The following SCAPER variants were observed in gnomAD, a reference collection of about 807,000 sequenced individuals.
SCAPER encodes S phase cyclin A-associated protein in the endoplasmic reticulum.
Under a neutral mutation model 182.2 loss-of-function variants are expected in SCAPER, and 98 were observed. The ratio of observed to expected loss-of-function variants is 0.54; its 90% CI spans 0.46 to 0.64. The LOEUF (loss-of-function observed/expected upper bound fraction) is 0.64. SCAPER is among the 30% of genes least tolerant of loss of function. The pLI is 0.00. For missense variants in SCAPER, 1,432 were observed against 1,690.0 expected (o/e 0.85, Z 2.68); for synonymous variants, 605 against 564.6 (o/e 1.07, Z -1.01).
intron 29 of SCAPER, among the ~76,000 whole-genome samples, chr15:76,361,410 T>A (rs998819794): frequency 1.3e-5 from 2 of 152,220 alleles, no homozygotes; most frequent in African/African-American, 4.8e-5. Flanking sequence ...TCAGAGACAT[T>A]CTTGCCTTCA....
At chr15:76,652,305 TATATACAC>T (rs1340629790) in intron 21 of SCAPER, among the ~76,000 whole-genome samples, 1 of 23,634 alleles carries the variant, frequency 4.2e-5, no homozygotes, top group Non-Finnish European at 6.7e-5. Flanking sequence ...TATATATATA[TATATACAC>T]ACACACACAC....
At chr15:76,371,623 T>C (rs1245296877) in intron 29 of SCAPER, among the ~76,000 whole-genome samples, 1 of 150,670 alleles carries the variant, frequency 6.6e-6, no homozygotes, top group African/African-American at 2.4e-5. Context: ...TGGCTTATAA[T>C]ATTTCTAACA....
Position 76,597,134 on chromosome 15 carries a change from C to CA in SCAPER, c.2712-22851dup, listed in dbSNP as rs1317067209. Among the ~76,000 whole-genome samples, 5 of 121,776 alleles carry CA rather than the reference C, an allele frequency of 4.1e-5. 1 individual carries two copies. In the East Asian group the frequency reaches 1.1e-3, roughly 27 times the overall value. The allele number at this position is 121,776 out of a possible 152,430, so 79.9% of individuals were successfully genotyped here. A position where few individuals can be genotyped will look rare whatever the true frequency, so the allele number is the denominator to read the frequency against. On this transcript the variant is annotated intron_variant, in intron 22 of 31. Transcript: ENST00000563290. ...AGTCTCAGGATATAAAATCAGTGTG[C>CA]AAAAATCACAAGCATTCCTATACAC...
intron 22 of SCAPER, among the ~76,000 whole-genome samples, chr15:76,579,265 C>CAA (rs71143342): frequency 0.5 from 24,837 of 49,402 alleles, 9,472 homozygotes; most frequent in Middle Eastern, 0.76. Context: ...GACTCTGTCT[C>CAA]AAAAAAAAAA....
intron 23 of SCAPER, among the ~76,000 whole-genome samples, chr15:76,532,772 T>C (rs375649621): frequency 3.4e-4 from 51 of 152,130 alleles, no homozygotes; most frequent in African/African-American, 1.1e-3. Flanking sequence ...CAGGGAAATA[T>C]AGAAAAGATG....
intron 14 of SCAPER, among the ~76,000 whole-genome samples, chr15:76,755,279 G>A (rs1304093864): frequency 6.6e-6 from 1 of 152,090 alleles, no homozygotes. Flanking sequence ...TTCATCTAAT[G>A]ACAAATTCTT....
intron 8 of SCAPER, among the ~76,000 whole-genome samples, chr15:76,778,434 G>A (rs534571978): frequency 4.0e-5 from 6 of 151,892 alleles, no homozygotes; most frequent in Non-Finnish European, 7.4e-5. Context: ...AATACTATGA[G>A]TAAATCAAAA....
At chr15:76,804,444 T>C (rs2065999093) in intron 6 of SCAPER, 89 bp downstream of exon 6, 1 of 770,332 alleles carries the variant, frequency 1.3e-6, no homozygotes, top group Non-Finnish European at 2.0e-6. Flanking sequence ...AAGTTTCAAC[T>C]CAATATGAGG....
At chr15:76,783,282 G>T (rs746061009) in intron 8 of SCAPER, among the ~76,000 whole-genome samples, 1 of 152,134 alleles carries the variant, frequency 6.6e-6, no homozygotes, top group East Asian at 1.9e-4. Flanking sequence ...AGAAAATCTA[G>T]AAGAAATGGA....
At chr15:76,388,533 C>A (rs2141997782) in intron 27 of SCAPER, among the ~76,000 whole-genome samples, 1 of 152,258 alleles carries the variant, frequency 6.6e-6, no homozygotes, top group Non-Finnish European at 1.5e-5. Flanking sequence ...CTTCTTCATC[C>A]TGGAAGAGGT....
intron 23 of SCAPER, among the ~76,000 whole-genome samples, chr15:76,549,630 A>G (rs1290525743): frequency 6.6e-6 from 1 of 152,152 alleles, no homozygotes. Context: ...TAGCATTAGG[A>G]GATATACCTA....
intron 27 of SCAPER, among the ~76,000 whole-genome samples, chr15:76,394,330 C>G (rs2043907055): frequency 6.6e-6 from 1 of 152,194 alleles, no homozygotes; most frequent in Non-Finnish European, 1.5e-5. Context: ...TCAACAGAGA[C>G]AGAGAGGCTT....
chr15:76,725,147 A>G (rs1175994557), intron 17 of SCAPER, among the ~76,000 whole-genome samples: 1 of 152,194 alleles, frequency 6.6e-6, no homozygotes, highest in African/African-American at 2.4e-5. Flanking sequence ...TCTATTTATA[A>G]TTGTATAACA....
chr15:76,721,297 G>C (rs1387090617), intron 17 of SCAPER, among the ~76,000 whole-genome samples: 1 of 151,968 alleles, frequency 6.6e-6, no homozygotes, highest in African/African-American at 2.4e-5. Context: ...CTCTGTTTTG[G>C]TACCAGTACC....
At chr15:76,484,681 C>A (rs1404149519) in intron 24 of SCAPER, among the ~76,000 whole-genome samples, 1 of 151,966 alleles carries the variant, frequency 6.6e-6, no homozygotes, top group Non-Finnish European at 1.5e-5. Context: ...CAAACTGAAT[C>A]CAGCAGCACA....
At chr15:76,535,537 A>G (rs1034960733) in intron 23 of SCAPER, among the ~76,000 whole-genome samples, 2 of 151,208 alleles carry the variant, frequency 1.3e-5, no homozygotes, top group Admixed American at 6.6e-5. Flanking sequence ...AAAAAAAAAA[A>G]AAAAAAAAAA....
chr15:76,797,644 G>C (rs1200721356), intron 7 of SCAPER: 2 of 152,170 alleles, frequency 1.3e-5, no homozygotes, highest in African/African-American at 4.8e-5. Context: ...ACAGAACCAG[G>C]TGAGAACTAA....
intron 17 of SCAPER, among the ~76,000 whole-genome samples, chr15:76,720,801 G>A (rs200065552): frequency 6.6e-6 from 1 of 152,112 alleles, no homozygotes; most frequent in Admixed American, 6.6e-5. Flanking sequence ...ATTTGTTTGA[G>A]TTCATTGTAG....
At chr15:76,885,019 A>G (rs2073766872) in intron 1 of SCAPER, among the ~76,000 whole-genome samples, 1 of 152,222 alleles carries the variant, frequency 6.6e-6, no homozygotes, top group South Asian at 2.1e-4. Flanking sequence ...CTGCGGGGTT[A>G]GGAGAAAATG....
Sources: gnomAD v4.1 joint callset for allele counts (sites outside exome capture counted in the v4.1 genomes callset) on GRCh38, gnomAD v4.1.1 for gene constraint, MANE v1.5 for transcripts, NCBI Gene and HGNC (gene_info 2026-07-23, HGNC 2026-07-21) for gene names.